Variants in DPP6 observed in about 807,000 individuals in gnomAD.
DPP6 encodes the protein A-type potassium channel modulatory protein DPP6.
DPP6 carries 69 observed loss-of-function variants against 122.6 expected under a neutral mutation model. That is an observed-to-expected ratio of 0.56 (90% CI 0.46 to 0.69). The LOEUF is 0.69. Among genes scored for constraint, DPP6 ranks in the 30% least tolerant of loss-of-function variants. The pLI is 0.00. For missense variants in DPP6, 928 were observed against 1,116.9 expected (o/e 0.83, Z 2.41); for synonymous variants, 418 against 433.1 (o/e 0.97, Z 0.43).
rs116191229 is a variant in DPP6 at position 154,179,408 on chromosome 7, A to G, written c.243+126345A>G. On this transcript the variant is annotated intron_variant, in intron 1 of 25. Coordinates refer to ENST00000377770, the MANE Select transcript of DPP6 (RefSeq NM_130797.4). ...GGCCATTGGCATCAAATTAGAAAGT[A>G]TGGGTCTTAGAATTTCTTTTACATT... 5.5e-3 allele frequency among the ~76,000 whole-genome samples: 845 copies of G among 152,298 alleles called. 9 individuals are homozygous for G. The highest frequency in any genetic ancestry group is 0.019 in the African/African-American group (780 of 41,566).
At chr7:154,312,495 A>G (rs1242172112) in intron 1 of DPP6, among the ~76,000 whole-genome samples, 2 of 152,242 alleles carry the variant, frequency 1.3e-5, no homozygotes, top group Non-Finnish European at 2.9e-5. Flanking sequence ...CCCCTGCCAG[A>G]ATTCAAGAAA....
rs548177962 is a variant in DPP6 at position 154,142,888 on chromosome 7, G to A, written c.243+89825G>A. 4.9e-3 allele frequency among the ~76,000 whole-genome samples: 686 copies of A among 139,904 alleles called. 6 individuals are homozygous for A. The highest frequency in any genetic ancestry group is 0.018 in the African/African-American group (655 of 36,916). The allele number at this position is 139,904 out of a possible 152,430, so 91.8% of individuals were successfully genotyped here. A position where few individuals can be genotyped will look rare whatever the true frequency, so the allele number is the denominator to read the frequency against. On this transcript the variant is annotated intron_variant, in intron 1 of 25. Coordinates refer to ENST00000377770, the MANE Select transcript of DPP6 (RefSeq NM_130797.4). The stretch of plus-strand genomic sequence containing the variant: ...CTGCTCTCGGCATGGTAGCATCAGA[G>A]CATCTACTCAATTGTCAGCCATAAA...
intron 1 of DPP6, among the ~76,000 whole-genome samples, chr7:154,238,702 C>G (rs935121614): frequency 6.6e-6 from 1 of 152,182 alleles, no homozygotes; most frequent in Admixed American, 6.6e-5. Flanking sequence ...AATGGATTCT[C>G]TTATTATTAT....
rs74604976 is a variant in DPP6 at position 154,079,578 on chromosome 7, A to G, written c.243+26515A>G. Among the ~76,000 whole-genome samples, 3 of 152,264 alleles carry G rather than the reference A, an allele frequency of 2.0e-5. No individual in the cohort carries two copies. In the East Asian group the frequency reaches 5.8e-4, roughly 29 times the overall value. The stretch of plus-strand genomic sequence containing the variant: ...CCTAGAGATGGGGGATAACGGGTGA[A>G]AGGAACAAGCACGGCCCCTTTGAGG... On this transcript the variant is annotated intron_variant, in intron 1 of 25. Transcript: ENST00000377770.
chr7:153,943,064 G>A (rs989569985), intron 1 of DPP6, among the ~76,000 whole-genome samples: 63 of 151,950 alleles, frequency 4.1e-4, no homozygotes, highest in Non-Finnish European at 6.5e-4. Context: ...CTTTTTGACC[G>A]TTCTGATTTT....
At chr7:154,364,369 GCACT>G (rs762460946) in intron 1 of DPP6, among the ~76,000 whole-genome samples, 99 of 152,092 alleles carry the variant, frequency 6.5e-4, no homozygotes, top group Non-Finnish European at 1.0e-3. Flanking sequence ...CACTTATGCC[GCACT>G]GGAGAAACCG....
chr7:154,613,509 C>T (rs1834035358), intron 5 of DPP6, among the ~76,000 whole-genome samples: 1 of 150,838 alleles, frequency 6.6e-6, no homozygotes, highest in African/African-American at 2.4e-5. Context: ...ATCCCAGCTA[C>T]TCGGGAGGCT....
intron 1 of DPP6, among the ~76,000 whole-genome samples, chr7:153,901,554 AG>A (rs1799639376): frequency 6.6e-6 from 1 of 152,242 alleles, no homozygotes; most frequent in South Asian, 2.1e-4. Context: ...TTAGATTGAT[AG>A]GTCAACTAAT....
chr7:153,962,803 A>C (rs1795422258), intron 1 of DPP6, among the ~76,000 whole-genome samples: 1 of 151,970 alleles, frequency 6.6e-6, no homozygotes. Flanking sequence ...CCCCACAAAT[A>C]CTCTACATTT....
At chr7:154,104,258 G>A (rs1164771791) in intron 1 of DPP6, among the ~76,000 whole-genome samples, 1 of 152,212 alleles carries the variant, frequency 6.6e-6, no homozygotes, top group Admixed American at 6.5e-5. Flanking sequence ...TGCCCCGGAC[G>A]GGAAGGGGTT....
intron 1 of DPP6, among the ~76,000 whole-genome samples, chr7:154,301,544 CCTT>C (rs1408477930): frequency 6.6e-6 from 1 of 152,134 alleles, no homozygotes; most frequent in East Asian, 1.9e-4. Flanking sequence ...CAGTTGTTAA[CCTT>C]CTCTTTGACC....
chr7:153,908,160 AC>A (rs890841790), intron 1 of DPP6, among the ~76,000 whole-genome samples: 4 of 151,610 alleles, frequency 2.6e-5, no homozygotes, highest in African/African-American at 9.7e-5. Flanking sequence ...TCCGTGCATC[AC>A]CACTTGTGCA....
chr7:154,559,315 A>C (rs756416105), intron 4 of DPP6, among the ~76,000 whole-genome samples: 14 of 151,648 alleles, frequency 9.2e-5, no homozygotes, highest in Non-Finnish European at 1.0e-4. Context: ...AGCAATAGAA[A>C]ACTATTTAAA....
At chr7:154,023,289 A>G (rs545078145) in intron 1 of DPP6, among the ~76,000 whole-genome samples, 4 of 143,766 alleles carry the variant, frequency 2.8e-5, no homozygotes, top group African/African-American at 1.1e-4. Flanking sequence ...AATACCTCCT[A>G]CAGCAGGCTC....
intron 1 of DPP6, among the ~76,000 whole-genome samples, chr7:154,288,840 G>A (rs888970710): frequency 2.0e-5 from 3 of 152,192 alleles, no homozygotes; most frequent in African/African-American, 7.2e-5. Flanking sequence ...GACATTTAAA[G>A]AGATCTAGTT....
chr7:153,850,249 A>G, the DPP6 span, among the ~76,000 whole-genome samples: 1 of 152,042 alleles, frequency 6.6e-6, no homozygotes, highest in Admixed American at 6.6e-5. Flanking sequence ...CTGGCTGGGG[A>G]GAGATCTGCT....
chr7:153,870,500 A>G, the DPP6 span, among the ~76,000 whole-genome samples: 1 of 152,218 alleles, frequency 6.6e-6, no homozygotes, highest in Non-Finnish European at 1.5e-5. Flanking sequence ...TTTCAGCTCC[A>G]TCAGGTCCTT....
intron 1 of DPP6, among the ~76,000 whole-genome samples, chr7:154,060,727 AC>A (rs1251236874): frequency 1.3e-3 from 105 of 80,284 alleles, no homozygotes; most frequent in Middle Eastern, 0.011. Flanking sequence ...GGGGGGAGGC[AC>A]CCCCCGCGAG....
intron 7 of DPP6, among the ~76,000 whole-genome samples, chr7:154,713,861 G>C (rs1841333527): frequency 6.6e-6 from 1 of 152,184 alleles, no homozygotes; most frequent in Non-Finnish European, 1.5e-5. Context: ...CAGCCAACTT[G>C]AATTTCTTCC....
Sources: gnomAD v4.1 joint callset for allele counts (sites outside exome capture counted in the v4.1 genomes callset) on GRCh38, gnomAD v4.1.1 for gene constraint, MANE v1.5 for transcripts, NCBI Gene and HGNC (gene_info 2026-07-23, HGNC 2026-07-21) for gene names.